Variants in CD9 observed in about 807,000 individuals in gnomAD.
CD9 encodes the protein CD9 antigen.
In CD9, 10 loss-of-function variants were observed where a neutral mutation model predicts 31.4. The ratio of observed to expected loss-of-function variants is 0.32; its 90% CI spans 0.20 to 0.54. The LOEUF (loss-of-function observed/expected upper bound fraction) is 0.54, where lower values mean the gene tolerates loss of function less well. Among genes scored for constraint, CD9 ranks in the 20% least tolerant of loss-of-function variants. The probability of loss-of-function intolerance (pLI) is 0.94; values close to 1 mark genes in which losing one functional copy is unlikely to be tolerated. For synonymous variants in CD9, 113 were observed against 114.1 expected (o/e 0.99, Z 0.06); for missense variants, 259 against 300.1 (o/e 0.86, Z 1.01).
chr12:6,226,762 C>A (rs994719140), intron 2 of CD9, among the ~76,000 whole-genome samples: 2 of 152,196 alleles, frequency 1.3e-5, no homozygotes, highest in Non-Finnish European at 2.9e-5. Flanking sequence ...CACATACACA[C>A]AGAGTTTTTG....
chr12:6,237,680 T>C (rs1208118386), intron 7 of CD9, 83 bp from the exon 8 acceptor site: 8 of 997,494 alleles, frequency 8.0e-6, no homozygotes, highest in East Asian at 4.9e-5. Flanking sequence ...TTTCTTGGAC[T>C]GGGTGACCCA....
At chr12:6,226,723 A>G (rs1946371804) in intron 2 of CD9, among the ~76,000 whole-genome samples, 1 of 152,178 alleles carries the variant, frequency 6.6e-6, no homozygotes, top group African/African-American at 2.4e-5. Context: ...AGTGAGAGAA[A>G]GCACAATGTA....
In CD9 at chr12:6,232,851, C is replaced by G; in HGVS notation, c.273+122C>G. ...TGGGGTCAGGAAGGTACCCAAAGGG[C>G]ATGAGCTGTCCTCAGCCTGGGCCCC... On this transcript the variant is annotated intron_variant, in intron 3 of 7. Transcript: ENST00000009180. This position sits in a 1 kb window ranked among gnomAD's most constrained non-coding sequence, Gnocchi z 4.8. 1.4e-6 allele frequency: 1 copy of G among 738,608 alleles called. No individual in the cohort carries two copies. Among genetic ancestry groups the G allele is most frequent in the Non-Finnish European group, 2.4e-6 (1 of 417,618 alleles). The allele number at this position is 738,608 out of a possible 1,614,324, so 45.8% of individuals were successfully genotyped here.
intron 1 of CD9, among the ~76,000 whole-genome samples, chr12:6,201,733 G>C (rs754770497): frequency 3.9e-5 from 6 of 152,214 alleles, no homozygotes; most frequent in African/African-American, 1.4e-4. Context: ...TGCCACCAGA[G>C]TCTTGTAACA....
chr12:6,207,532 C>T (rs1407463162), intron 1 of CD9, among the ~76,000 whole-genome samples: 2 of 152,234 alleles, frequency 1.3e-5, no homozygotes. Context: ...GGTTGGGCCT[C>T]TTGGCTTAGC....
chr12:6,216,457 G>A (rs1199527223), intron 1 of CD9, among the ~76,000 whole-genome samples: 5 of 152,162 alleles, frequency 3.3e-5, no homozygotes, highest in Non-Finnish European at 5.9e-5. Flanking sequence ...TGATAAAGAG[G>A]CCAAGGTTTC....
Position 6,237,290 on chromosome 12 carries a change from G to A in CD9, c.622-473G>A, listed in dbSNP as rs761726316. Among the ~76,000 whole-genome samples the A allele has an allele frequency of 7.9e-5, 12 of 151,986 alleles. No homozygotes were observed. The South Asian group carries it at 8.3e-4, about 11-fold the overall frequency. The stretch of plus-strand genomic sequence containing the variant: ...GTGCCCAGCCAAGATATAACAATAC[G>A]TTTTAAAATAGAATATTAACATTTT... On this transcript the variant is annotated intron_variant, in intron 7 of 7. Transcript: ENST00000009180.
chr12:6,228,022 A>G (rs1338126663), intron 2 of CD9, among the ~76,000 whole-genome samples: 3 of 152,068 alleles, frequency 2.0e-5, no homozygotes, highest in Non-Finnish European at 2.9e-5. Context: ...CGGTGGTCCT[A>G]CCTGAAGTGA....
In CD9 at chr12:6,232,827, G is replaced by T; in HGVS notation, c.273+98G>T. The T allele has an allele frequency of 1.2e-6, 1 of 851,108 alleles. No individual in the cohort carries two copies. The highest frequency in any genetic ancestry group is 2.6e-5 in the East Asian group (1 of 37,806). The allele number at this position is 851,108 out of a possible 1,614,324, so 52.7% of individuals were successfully genotyped here. On this transcript the variant is annotated intron_variant, in intron 3 of 7. Coordinates refer to ENST00000009180, the MANE Select transcript of CD9 (RefSeq NM_001769.4). This position sits in a 1 kb window ranked among gnomAD's most constrained non-coding sequence, Gnocchi z 4.8. ...GACCACAGAACAGATGGAGGGGGATGGGGTCAGGAAGGTACCCAAAGGGCA... is the reference window on the plus strand; with the variant it reads ...GACCACAGAACAGATGGAGGGGGATTGGGTCAGGAAGGTACCCAAAGGGCA...
In CD9 at chr12:6,226,968, A is replaced by G. The variant is rs530005374; in HGVS notation, c.175+1434A>G. Among the ~76,000 whole-genome samples the G allele has an allele frequency of 1.2e-4, 19 of 152,320 alleles. No homozygotes were observed. The South Asian group carries it at 3.9e-3, about 32-fold the overall frequency. On this transcript the variant is annotated intron_variant, in intron 2 of 7. Coordinates refer to ENST00000009180, the MANE Select transcript of CD9 (RefSeq NM_001769.4). ...GGGGAGCAGGTCTGCCGGCAGGAGC[A>G]GGCACAGTCAGGCCTGCTTTCCTAA...
chr12:6,222,790 A>G (rs773466571), intron 1 of CD9, among the ~76,000 whole-genome samples: 7 of 152,234 alleles, frequency 4.6e-5, no homozygotes, highest in African/African-American at 1.4e-4. Flanking sequence ...AGCGTGGAAC[A>G]TTCCCAGAGA....
chr12:6,201,767 A>C (rs1946080713), intron 1 of CD9, among the ~76,000 whole-genome samples: 1 of 152,248 alleles, frequency 6.6e-6, no homozygotes, highest in South Asian at 2.1e-4. Context: ...GGCCAGGCAC[A>C]GTGGCTCATG....
At chr12:6,236,712 C>G in intron 7 of CD9, 1 of 382,824 alleles carries the variant, frequency 2.6e-6, no homozygotes, top group Non-Finnish European at 4.6e-6. Context: ...TAATCAGCCC[C>G]TAGAAACCAA....
chr12:6,200,235 C>T (rs1180734138), upstream of CD9: 5 of 40,666 alleles, frequency 1.2e-4, no homozygotes, highest in Non-Finnish European at 2.0e-4. Context: ...CCGACCTGGG[C>T]GGGGGCGGGG....
chr12:6,218,303 A>G (rs1364525898), intron 1 of CD9, among the ~76,000 whole-genome samples: 1 of 152,152 alleles, frequency 6.6e-6, no homozygotes, highest in Non-Finnish European at 1.5e-5. Flanking sequence ...GCCCACGCCA[A>G]GAGCACCCAG....
At chr12:6,207,460 T>C (rs888839996) in intron 1 of CD9, among the ~76,000 whole-genome samples, 1 of 152,238 alleles carries the variant, frequency 6.6e-6, no homozygotes, top group African/African-American at 2.4e-5. Context: ...ACTCGGTTAA[T>C]TTAATGAGTG....
At position 6,223,227 on chromosome 12, in the gene CD9, T is replaced by C. The variant is rs531097975; in HGVS notation, c.67-2199T>C. On this transcript the variant is annotated intron_variant, in intron 1 of 7. Transcript: ENST00000009180. ...GGGGACTGACTGGGCCTCCCTGGGG[T>C]TGGGGTGGAAGGAGGGAAGGTATCA... 4.0e-5 allele frequency among the ~76,000 whole-genome samples: 6 copies of C among 150,810 alleles called. No homozygotes were observed. The East Asian group carries it at 7.8e-4, about 20-fold the overall frequency.
At position 6,237,763 on chromosome 12, in the gene CD9, A is replaced by G. The variant is rs1410017355; in HGVS notation, c.622A>G (p.Ile208Val). Residue 208 changes from isoleucine to valine, a missense_variant and splice_region_variant, in exon 8 of 8, where the codon ATA becomes GTA. Physicochemically the swap from Ile to Val is conservative, Grantham distance 29. Coordinates refer to ENST00000009180, the MANE Select transcript of CD9 (RefSeq NM_001769.4). ...CCTCATGTTTCTTCCTATCTCCTAGATATTTGGCATGATCTTCAGTATGAT... is the reference window on the plus strand; with the variant it reads ...CCTCATGTTTCTTCCTATCTCCTAGGTATTTGGCATGATCTTCAGTATGAT... ...AVGIGIAVVM[I>V]FGMIFSMILC... 1.2e-6 allele frequency: 2 copies of G among 1,611,430 alleles called. No individual in the cohort carries two copies. The highest frequency in any genetic ancestry group is 1.7e-6 in the Non-Finnish European group (2 of 1,177,768).
intron 2 of CD9, among the ~76,000 whole-genome samples, chr12:6,228,410 G>A (rs1465188262): frequency 6.6e-6 from 1 of 151,868 alleles, no homozygotes. Flanking sequence ...AAATTAGCTG[G>A]GCGTAGTGGC....
Sources: allele counts gnomAD v4.1 joint callset (sites outside exome capture counted in the v4.1 genomes callset), GRCh38; gene constraint gnomAD v4.1.1; non-coding constraint Gnocchi (gnomAD v3.1); transcripts MANE v1.5; gene names NCBI Gene and HGNC (gene_info 2026-07-23, HGNC 2026-07-21).